SLCO1C1: variants seen among roughly 807,000 people sequenced by gnomAD.
SLCO1C1 encodes OAT-RP-5.
Under a neutral mutation model 76.4 loss-of-function variants are expected in SLCO1C1, and 70 were observed. That is an observed-to-expected ratio of 0.92 (90% CI 0.76 to 1.12). The LOEUF (loss-of-function observed/expected upper bound fraction) is 1.12. SLCO1C1 is among the 50% of genes most tolerant of loss of function. The pLI is 0.00. For synonymous variants in SLCO1C1, 306 were observed against 286.1 expected (o/e 1.07, Z -0.70); for missense variants, 912 against 823.8 (o/e 1.11, Z -1.31).
rs1227625694 is a variant in SLCO1C1, at chr12:20,722,100, AAGG to A, written c.1021+54_1021+56del. The A allele has an allele frequency of 1.9e-6, 3 of 1,559,364 alleles. No homozygotes were observed. The Admixed American group carries it at 5.7e-5, about 29-fold the overall frequency. ...TATTTTCATTTTTCTGTTGGGGCTT[AAGG>A]AGATTTATAAATTACATCCCTCTCT... is the stretch of plus-strand genomic sequence containing the variant. On this transcript the variant is annotated intron_variant, in intron 8 of 14. Coordinates refer to ENST00000266509, the MANE Select transcript of SLCO1C1 (RefSeq NM_017435.5).
At chr12:20,743,107 A>G (rs1948894932) in intron 12 of SLCO1C1, among the ~76,000 whole-genome samples, 198 bp from the exon 13 acceptor site, 1 of 152,108 alleles carries the variant, frequency 6.6e-6, no homozygotes, top group African/African-American at 2.4e-5. Context: ...TTAATTATAA[A>G]CTTCTTGTAG....
At chr12:20,719,540 G>C (rs1013698433) in intron 7 of SLCO1C1, among the ~76,000 whole-genome samples, 1 of 152,164 alleles carries the variant, frequency 6.6e-6, no homozygotes, top group African/African-American at 2.4e-5. Flanking sequence ...TTATAAAAGT[G>C]ATACTCCAGT....
intron 9 of SLCO1C1, among the ~76,000 whole-genome samples, chr12:20,723,546 G>C (rs1947787424): frequency 6.6e-6 from 1 of 152,116 alleles, no homozygotes; most frequent in Admixed American, 6.6e-5. Context: ...CCTCAAAACA[G>C]TGGCCATTTT....
intron 1 of SLCO1C1, chr12:20,697,188 T>G (rs2120577116): frequency 6.6e-6 from 1 of 152,158 alleles, no homozygotes; most frequent in South Asian, 2.1e-4. Flanking sequence ...CAGATTTTAT[T>G]ATTAAACAAT....
At chr12:20,709,036 T>A (rs1199103330) in intron 4 of SLCO1C1, among the ~76,000 whole-genome samples, 1 of 152,180 alleles carries the variant, frequency 6.6e-6, no homozygotes, top group Non-Finnish European at 1.5e-5. Context: ...TGACTGCTGC[T>A]TGGAGAATTG....
Position 20,752,647 on chromosome 12 carries a change from G to T in SLCO1C1, c.*119G>T, listed in dbSNP as rs1673401683. 1.2e-6 allele frequency: 1 copy of T among 829,296 alleles called. No individual in the cohort carries two copies. Among genetic ancestry groups the T allele is most frequent in the Non-Finnish European group, 1.8e-6 (1 of 552,890 alleles). The allele number at this position is 829,296 out of a possible 1,614,324, so 51.4% of individuals were successfully genotyped here. A position where few individuals can be genotyped will look rare whatever the true frequency, so the allele number is the denominator to read the frequency against. On this transcript the variant is annotated 3_prime_UTR_variant, in exon 15 of 15. Coordinates refer to ENST00000266509, the MANE Select transcript of SLCO1C1 (RefSeq NM_017435.5). The stretch of plus-strand genomic sequence containing the variant: ...TCTCCTTTCAAAAAATGTCTACTTT[G>T]TTTTGGTCCTAGGCATTAGGTAATA...
At chr12:20,714,435 A>G (rs1947271704) in intron 5 of SLCO1C1, among the ~76,000 whole-genome samples, 1 of 152,202 alleles carries the variant, frequency 6.6e-6, no homozygotes, top group Non-Finnish European at 1.5e-5. Context: ...TGATCATATT[A>G]AGACATGAAT....
chr12:20,727,805 G>A (rs1371007159), intron 9 of SLCO1C1, among the ~76,000 whole-genome samples: 7 of 152,140 alleles, frequency 4.6e-5, no homozygotes, highest in Admixed American at 6.5e-5. Context: ...CACTGCGCCC[G>A]GCCACGTGTT....
intron 3 of SLCO1C1, 45 bp from the exon 4 acceptor site, chr12:20,705,900 CTTCT>C (rs768443127): frequency 5.7e-5 from 91 of 1,589,110 alleles, no homozygotes; most frequent in African/African-American, 8.1e-5. Flanking sequence ...ATGCTGTTGA[CTTCT>C]TTCTAAGTTC....
chr12:20,742,765 C>T (rs1326005763), intron 12 of SLCO1C1, among the ~76,000 whole-genome samples: 2 of 150,140 alleles, frequency 1.3e-5, no homozygotes, highest in East Asian at 3.9e-4. Context: ...TGGTCTTGAT[C>T]TCCTGACCTC....
At chr12:20,725,665 G>C (rs1008689806) in intron 9 of SLCO1C1, among the ~76,000 whole-genome samples, 1 of 148,758 alleles carries the variant, frequency 6.7e-6, no homozygotes, top group Non-Finnish European at 1.5e-5. Context: ...ATATTATACT[G>C]CTAAGTGCAG....
intron 8 of SLCO1C1, 105 bp downstream of exon 8, chr12:20,722,154 A>G: frequency 3.6e-6 from 5 of 1,408,406 alleles, no homozygotes; most frequent in Non-Finnish European, 4.7e-6. Context: ...AAAAGTTGAG[A>G]AACCATATCA....
At position 20,717,212 on chromosome 12, in the gene SLCO1C1, A is replaced by G. The variant is rs1271630116; in HGVS notation, c.757A>G (p.Ile253Val). The change falls in exon 7 of 15, where the codon ATT becomes GTT. Residue 253 changes from isoleucine (I) to valine (V), a missense_variant. Physicochemically the swap from Ile to Val is conservative, Grantham distance 29. Transcript: ENST00000266509. Reference protein sequence around the residue: ...GSLCAKLYVDIGFVNLDHITI... With the variant: ...GSLCAKLYVDVGFVNLDHITI... ...ATTATGTGCCAAACTATATGTTGAC[A>G]TTGGCTTTGTAAACCTAGGTAAGGA... 3 of 1,586,370 alleles carry G rather than the reference A, an allele frequency of 1.9e-6. No homozygotes were observed. The highest frequency in any genetic ancestry group is 2.3e-5 in the East Asian group (1 of 43,678).
intron 12 of SLCO1C1, among the ~76,000 whole-genome samples, chr12:20,742,061 T>TCAAAACAGC (rs1565542976): frequency 6.6e-6 from 1 of 152,204 alleles, no homozygotes; most frequent in Non-Finnish European, 1.5e-5. Context: ...CCTGCTATTC[T>TCAAAACAGC]CAAAACAGCT....
At chr12:20,696,359 T>C (rs1189607811) in intron 1 of SLCO1C1, among the ~76,000 whole-genome samples, 1 of 152,094 alleles carries the variant, frequency 6.6e-6, no homozygotes, top group Non-Finnish European at 1.5e-5. Flanking sequence ...AGGAGCGTGG[T>C]TGCCTTTAGG....
intron 7 of SLCO1C1, among the ~76,000 whole-genome samples, chr12:20,720,366 TATTA>T (rs1236041964): frequency 6.6e-6 from 1 of 152,222 alleles, no homozygotes; most frequent in Non-Finnish European, 1.5e-5. Flanking sequence ...TTTCAAGTCT[TATTA>T]TTTAAGAAAC....
chr12:20,699,916 G>GCC (rs561232185), intron 2 of SLCO1C1: 12,134 of 398,170 alleles, frequency 0.03, 337 homozygotes, highest in African/African-American at 0.093. Flanking sequence ...TCATTTAAAT[G>GCC]CCCCCCCAAA....
At chr12:20,710,938 T>C (rs1220164852) in intron 4 of SLCO1C1, among the ~76,000 whole-genome samples, 1 of 152,186 alleles carries the variant, frequency 6.6e-6, no homozygotes, top group Non-Finnish European at 1.5e-5. Context: ...TTTTATTTTC[T>C]GTCATTAATT....
intron 9 of SLCO1C1, among the ~76,000 whole-genome samples, chr12:20,726,027 T>G (rs1164264362): frequency 6.6e-6 from 1 of 152,094 alleles, no homozygotes. Context: ...GGTTTCACAT[T>G]AGTAAGTATG....
Sources: allele counts gnomAD v4.1 joint callset (sites outside exome capture counted in the v4.1 genomes callset), GRCh38; gene constraint gnomAD v4.1.1; transcripts MANE v1.5; gene names NCBI Gene and HGNC (gene_info 2026-07-23, HGNC 2026-07-21).